The following ST6GALNAC3 variants were observed in gnomAD, a reference collection of about 807,000 sequenced individuals.
ST6GALNAC3 encodes alpha-N-acetylgalactosaminide alpha-2,6-sialyltransferase 3.
ST6GALNAC3 carries 25 observed loss-of-function variants against 32.7 expected under a neutral mutation model. The observed-to-expected ratio is 0.76, with a 90% confidence interval of 0.56 to 1.07. The LOEUF (loss-of-function observed/expected upper bound fraction) is 1.07. Among genes scored for constraint, ST6GALNAC3 ranks in the 50% least tolerant of loss-of-function variants. The pLI, the probability that ST6GALNAC3 is intolerant of heterozygous loss-of-function variation, is 0.00. For missense variants in ST6GALNAC3, 355 were observed against 382.4 expected, an observed-to-expected ratio of 0.93 and a Z score of 0.60; for synonymous variants, 129 against 133.1, an observed-to-expected ratio of 0.97 and a Z score of 0.21.
intron 1 of ST6GALNAC3, among the ~76,000 whole-genome samples, chr1:76,268,543 A>G (rs1200649781): frequency 6.6e-6 from 1 of 152,148 alleles, no homozygotes; most frequent in Admixed American, 6.5e-5. Context: ...AGTGATCTTG[A>G]TTTGAAGAGA....
intron 1 of ST6GALNAC3, among the ~76,000 whole-genome samples, chr1:76,076,836 T>C (rs1646822794): frequency 6.6e-6 from 1 of 152,222 alleles, no homozygotes; most frequent in Non-Finnish European, 1.5e-5. Context: ...CTCCCTAGTT[T>C]AAGAGATTTG....
At chr1:76,239,087 G>C (rs1427652684) in intron 1 of ST6GALNAC3, among the ~76,000 whole-genome samples, 2 of 152,022 alleles carry the variant, frequency 1.3e-5, no homozygotes, top group Non-Finnish European at 2.9e-5. Flanking sequence ...GTCTCCTGGG[G>C]TTCTCAGGCC....
chr1:76,183,285 A>G (rs576830832), intron 1 of ST6GALNAC3, among the ~76,000 whole-genome samples: 189 of 152,210 alleles, frequency 1.2e-3, no homozygotes, highest in African/African-American at 4.4e-3. Context: ...ATAGTATTAC[A>G]TTATTATTTA....
At chr1:76,300,338 TGGGA>T in intron 1 of ST6GALNAC3, among the ~76,000 whole-genome samples, 1 of 151,808 alleles carries the variant, frequency 6.6e-6, no homozygotes, top group Non-Finnish European at 1.5e-5. Flanking sequence ...TGGGCCAGAG[TGGGA>T]GCCATGTGCA....
chr1:76,116,150 T>A (rs1023160455), intron 1 of ST6GALNAC3, among the ~76,000 whole-genome samples: 1 of 151,142 alleles, frequency 6.6e-6, no homozygotes, highest in African/African-American at 2.4e-5. Flanking sequence ...GGATAGAGAG[T>A]GTGTGTGACC....
In ST6GALNAC3 at chr1:76,275,340, A is replaced by G. The variant is rs530399467; in HGVS notation, c.19-38465A>G. Among the ~76,000 whole-genome samples the G allele has an allele frequency of 5.3e-5, 8 of 152,276 alleles. No individual in the cohort carries two copies. In the East Asian group the frequency reaches 1.4e-3, roughly 26 times the overall value. On this transcript the variant is annotated intron_variant, in intron 1 of 4. Transcript: ENST00000328299. ...AGCAGATTTGAATCTTAGTCTGTAAACTCAGATATGCAATAAATAGAACAT... is the reference window on the plus strand; with the variant it reads ...AGCAGATTTGAATCTTAGTCTGTAAGCTCAGATATGCAATAAATAGAACAT...
intron 3 of ST6GALNAC3, among the ~76,000 whole-genome samples, chr1:76,620,294 G>A (rs1648554984): frequency 6.6e-6 from 1 of 151,986 alleles, no homozygotes; most frequent in Non-Finnish European, 1.5e-5. Context: ...AGTTTAAGGA[G>A]CAATAAATGA....
rs944793990 is a variant in ST6GALNAC3, at chr1:76,228,660, G to A, written c.19-85145G>A. On this transcript the variant is annotated intron_variant, in intron 1 of 4. Transcript: ENST00000328299. ...TCTTACAAATTATTTTTTAATTATCGGTTTCTCAGACAACTCACTTGGTTT... is the reference window on the plus strand; with the variant it reads ...TCTTACAAATTATTTTTTAATTATCAGTTTCTCAGACAACTCACTTGGTTT... 3.9e-5 allele frequency among the ~76,000 whole-genome samples: 6 copies of A among 152,012 alleles called. No homozygotes were observed. The East Asian group carries it at 5.8e-4, about 15-fold the overall frequency.
chr1:76,277,944 C>A (rs1570667767), intron 1 of ST6GALNAC3, among the ~76,000 whole-genome samples: 2 of 152,112 alleles, frequency 1.3e-5, no homozygotes, highest in East Asian at 3.9e-4. Context: ...CTCCCACATT[C>A]TCACGCCTAG....
chr1:76,188,179 T>A (rs1332412236), intron 1 of ST6GALNAC3, among the ~76,000 whole-genome samples: 1 of 152,044 alleles, frequency 6.6e-6, no homozygotes, highest in Non-Finnish European at 1.5e-5. Flanking sequence ...CTGGCTAACA[T>A]GGTGAAACCC....
intron 1 of ST6GALNAC3, among the ~76,000 whole-genome samples, chr1:76,157,282 C>T (rs113842960): frequency 3.9e-5 from 6 of 152,340 alleles, no homozygotes; most frequent in African/African-American, 1.4e-4. Context: ...GTCTCCAGCT[C>T]TAAGCCATTA....
chr1:76,570,136 T>C (rs1428532592), intron 3 of ST6GALNAC3, among the ~76,000 whole-genome samples: 1 of 152,170 alleles, frequency 6.6e-6, no homozygotes, highest in Non-Finnish European at 1.5e-5. Flanking sequence ...TCCAGCCATT[T>C]CTGAATAGTG....
At chr1:76,395,187 C>T (rs1161822371) in intron 2 of ST6GALNAC3, among the ~76,000 whole-genome samples, 1 of 130,704 alleles carries the variant, frequency 7.7e-6, no homozygotes, top group Non-Finnish European at 1.7e-5. Flanking sequence ...CTTCATGAGG[C>T]CCCAGCATAC....
intron 1 of ST6GALNAC3, among the ~76,000 whole-genome samples, chr1:76,168,778 A>T (rs1319839431): frequency 1.3e-5 from 2 of 151,922 alleles, no homozygotes; most frequent in South Asian, 2.1e-4. Context: ...TGAAACTGAG[A>T]TTGCAACTCT....
intron 1 of ST6GALNAC3, among the ~76,000 whole-genome samples, chr1:76,202,309 C>G (rs1466070771): frequency 1.6e-5 from 2 of 124,586 alleles, no homozygotes; most frequent in African/African-American, 6.4e-5. Flanking sequence ...TGTGTATGTA[C>G]ATACACACAT....
At chr1:76,440,448 C>T (rs77251022) in intron 3 of ST6GALNAC3, among the ~76,000 whole-genome samples, 3,675 of 152,300 alleles carry the variant, frequency 0.024, 51 homozygotes, top group African/African-American at 0.038. Flanking sequence ...AGAATGGGGA[C>T]ATGCTGTCCA....
intron 3 of ST6GALNAC3, among the ~76,000 whole-genome samples, chr1:76,553,042 T>C (rs1557563185): frequency 1.3e-5 from 2 of 152,344 alleles, no homozygotes; most frequent in East Asian, 3.9e-4. Context: ...TTAATAGATT[T>C]TCTAATGTTG....
intron 2 of ST6GALNAC3, among the ~76,000 whole-genome samples, chr1:76,342,263 T>C (rs929254149): frequency 1.3e-5 from 2 of 152,214 alleles, no homozygotes; most frequent in Admixed American, 1.3e-4. Flanking sequence ...TTTCTGGTTC[T>C]AGATTCTTGA....
chr1:76,309,321 A>T (rs570760651), intron 1 of ST6GALNAC3, among the ~76,000 whole-genome samples: 1 of 152,274 alleles, frequency 6.6e-6, no homozygotes, highest in East Asian at 1.9e-4. Context: ...TCAATGAGCG[A>T]TTGTGGCTTG....
Sources: gnomAD v4.1 joint callset for allele counts (sites outside exome capture counted in the v4.1 genomes callset) on GRCh38, gnomAD v4.1.1 for gene constraint, MANE v1.5 for transcripts, NCBI Gene and HGNC (gene_info 2026-07-23, HGNC 2026-07-21) for gene names.